Variants in EWSR1 observed in about 807,000 individuals in gnomAD.
EWSR1 encodes EWS RNA binding protein 1.
In EWSR1, 14 loss-of-function variants were observed where a neutral mutation model predicts 92.1. The observed-to-expected ratio is 0.15, with a 90% CI of 0.10 to 0.24. EWSR1 has a LOEUF of 0.24. Ranked by LOEUF, EWSR1 falls within the 10% of genes least tolerant of loss-of-function variation. EWSR1 has a pLI of 1.00. For missense variants in EWSR1, 637 were observed against 870.9 expected, an observed-to-expected ratio of 0.73 and a Z score of 3.38; for synonymous variants, 303 against 292.9, an observed-to-expected ratio of 1.03 and a Z score of -0.35.
intron 6 of EWSR1, among the ~76,000 whole-genome samples, chr22:29,283,826 G>A (rs546449267): frequency 2.1e-5 from 3 of 145,778 alleles, no homozygotes; most frequent in Non-Finnish European, 3.0e-5. Flanking sequence ...GAGCCCCTGC[G>A]CCCAGCCAGT....
In EWSR1 at chr22:29,276,451, A is replaced by G. The variant is rs117993448; in HGVS notation, c.227-1579A>G. ...AGAATTTCCTTTTAATATTTGAGGT[A>G]GAGAAGAAAGAGTATTATTATATTC... On this transcript the variant is annotated intron_variant, in intron 4 of 16. Coordinates refer to ENST00000397938, the MANE Select transcript of EWSR1 (RefSeq NM_005243.4). 60 of 220,960 alleles carry G rather than the reference A, an allele frequency of 2.7e-4. 1 individual carries two copies. In the East Asian group the frequency reaches 4.0e-3, roughly 15 times the overall value. The allele number at this position is 220,960 out of a possible 1,614,324, so 13.7% of individuals were successfully genotyped here. A position where few individuals can be genotyped will look rare whatever the true frequency, so the allele number is the denominator to read the frequency against.
At chr22:29,272,190 T>G (rs781602544) in intron 1 of EWSR1, 26 bp from the exon 2 acceptor site, 1 of 1,610,620 alleles carries the variant, frequency 6.2e-7, no homozygotes, top group Admixed American at 1.7e-5. Context: ...AACTTTACAC[T>G]ATTTTTCCTC....
At chr22:29,298,183 CTG>C (rs1471516529) in intron 13 of EWSR1, among the ~76,000 whole-genome samples, 2 of 152,188 alleles carry the variant, frequency 1.3e-5, no homozygotes, top group Non-Finnish European at 2.9e-5. Context: ...TTGGTTGTGT[CTG>C]TATAGACATG....
chr22:29,291,988 C>T lies in EWSR1; in HGVS notation c.1013-149C>T, dbSNP rs535497565. ...AAACCTTTCACAAATGTTAAAGAGA[C>T]ACTGCTCCATTTTAGCAGTGCGGGT... On this transcript the variant is annotated intron_variant, in intron 9 of 16. Coordinates refer to ENST00000397938, the MANE Select transcript of EWSR1 (RefSeq NM_005243.4). 43 of 732,528 alleles carry T rather than the reference C, an allele frequency of 5.9e-5. No homozygotes were observed. In the South Asian group the frequency reaches 6.6e-4, roughly 11 times the overall value. The allele number at this position is 732,528 out of a possible 1,614,324, so 45.4% of individuals were successfully genotyped here.
At chr22:29,277,921 C>A in intron 4 of EWSR1, 109 bp from the exon 5 acceptor site, 1 of 931,922 alleles carries the variant, frequency 1.1e-6, no homozygotes, top group Non-Finnish European at 1.6e-6. Flanking sequence ...TAAAGGGATT[C>A]AATATCCTGA....
chr22:29,269,756 G>T (rs1602150731), intron 1 of EWSR1: 1 of 152,328 alleles, frequency 6.6e-6, no homozygotes, highest in South Asian at 2.1e-4. Context: ...TAACCTCCCG[G>T]TGGGAAGTGG....
intron 4 of EWSR1, chr22:29,276,090 C>T (rs1385798965): frequency 4.3e-6 from 1 of 231,760 alleles, no homozygotes; most frequent in Non-Finnish European, 8.5e-6. Flanking sequence ...ACTGTTGCTG[C>T]ATAGTTTTAT....
At chr22:29,274,919 TA>T (rs1237983500) in intron 4 of EWSR1, among the ~76,000 whole-genome samples, 1 of 152,216 alleles carries the variant, frequency 6.6e-6, no homozygotes, top group African/African-American at 2.4e-5. Context: ...TAAAAGACTC[TA>T]ATAAAGTCTT....
At chr22:29,280,460 A>G (rs984878069) in intron 5 of EWSR1, among the ~76,000 whole-genome samples, 1 of 152,172 alleles carries the variant, frequency 6.6e-6, no homozygotes, top group Non-Finnish European at 1.5e-5. Context: ...CCAAGAGGTA[A>G]TAGAAACCCC....
chr22:29,292,203 G>A, intron 10 of EWSR1, 34 bp downstream of exon 10: 1 of 1,607,044 alleles, frequency 6.2e-7, no homozygotes, highest in Non-Finnish European at 8.5e-7. Flanking sequence ...TTCATATCGT[G>A]CTTTGTAAAT....
intron 5 of EWSR1, among the ~76,000 whole-genome samples, chr22:29,280,877 T>TG (rs2059535768): frequency 9.5e-6 from 1 of 105,678 alleles, no homozygotes; most frequent in Non-Finnish European, 2.1e-5. Flanking sequence ...TTTTTTTTTT[T>TG]TTTTTTTTTT....
Position 29,298,763 on chromosome 22 carries a change from CCATGGGTCG to C in EWSR1, c.1455_1463del (p.Arg486_Gly488del). 2 of 1,613,622 alleles carry C rather than the reference CCATGGGTCG, an allele frequency of 1.2e-6. No individual in the cohort carries two copies. The highest frequency in any genetic ancestry group is 1.7e-6 in the Non-Finnish European group (2 of 1,179,896). ...GGAGGCCCAGGAGGTCCTGGGGGAC[CCATGGGTCG>C]CATGGGAGGCCGTGGAGGAGATAGA... On this transcript the variant is annotated inframe_deletion, in exon 14 of 17. Coordinates refer to ENST00000397938, the MANE Select transcript of EWSR1 (RefSeq NM_005243.4).
rs748380323 is a variant in EWSR1, at chr22:29,288,641, G to T, written c.829G>T (p.Val277Phe). 1 of 1,613,538 alleles carries T rather than the reference G, an allele frequency of 6.2e-7. No homozygotes were observed. Among genetic ancestry groups the T allele is most frequent in the Non-Finnish European group, 8.5e-7 (1 of 1,179,826 alleles). ...ACAGGACCACCCCAGTAGCATGGGTGTTTATGGGCAGGAGTCTGGAGGATT... is the reference window on the plus strand; with the variant it reads ...ACAGGACCACCCCAGTAGCATGGGTTTTTATGGGCAGGAGTCTGGAGGATT... ...FRQDHPSSMG[V>F]YGQESGGFSG... Residue 277 changes from valine (V) to phenylalanine (F), a missense_variant, in exon 8 of 17, where the codon GTT becomes TTT. By Grantham distance (50) the Val-to-Phe change is conservative. Around this residue, in one of 5 missense-constraint regions of EWSR1, gnomAD observed 116 missense variants for 167.8 expected, o/e 0.69. Coordinates refer to ENST00000397938, the MANE Select transcript of EWSR1 (RefSeq NM_005243.4).
chr22:29,287,827 T>G (rs2060162572), intron 7 of EWSR1, among the ~76,000 whole-genome samples: 1 of 152,176 alleles, frequency 6.6e-6, no homozygotes, highest in African/African-American at 2.4e-5. Context: ...CCACTATGAT[T>G]TTGATAGTCA....
chr22:29,292,762 CTTTT>C (rs34395867), intron 11 of EWSR1, among the ~76,000 whole-genome samples, 156 bp downstream of exon 11: 8 of 100,828 alleles, frequency 7.9e-5, no homozygotes, highest in Admixed American at 1.1e-4. Context: ...AAAGATTAGC[CTTTT>C]TTTTTTTTTT....
chr22:29,290,897 T>A (rs2060392360), intron 8 of EWSR1: 1 of 248,782 alleles, frequency 4.0e-6, no homozygotes, highest in African/African-American at 2.2e-5. Flanking sequence ...TTAAGTAATT[T>A]TACATGGCCA....
At chr22:29,273,478 CCT>C (rs1569048120) in intron 3 of EWSR1, among the ~76,000 whole-genome samples, 3 of 152,050 alleles carry the variant, frequency 2.0e-5, no homozygotes, top group African/African-American at 7.2e-5. Context: ...TTTTTTTCCC[CCT>C]TTTGAGAAGC....
rs2147852913 is a variant in EWSR1, at chr22:29,299,754, G to A, written c.1834G>A (p.Gly612Arg). Residue 612 changes from glycine (G) to arginine (R), a missense_variant, in exon 16 of 17, where the codon GGA becomes AGA. By Grantham distance (125) the Gly-to-Arg change is moderately radical. Around this residue, in one of 5 missense-constraint regions of EWSR1, gnomAD observed 363 missense variants for 447.8 expected, o/e 0.81. Coordinates refer to ENST00000397938, the MANE Select transcript of EWSR1 (RefSeq NM_005243.4). ...GRGMDRGGFG[G>R]GRRGGPGGPP... ...GGGCATGGACCGAGGTGGCTTTGGT[G>A]GAGGAAGACGAGGTGGCCCTGGGGG... The A allele has an allele frequency of 6.2e-7, 1 of 1,608,916 alleles. No homozygotes were observed. Among genetic ancestry groups the A allele is most frequent in the Non-Finnish European group, 8.5e-7 (1 of 1,176,866 alleles).
chr22:29,274,541 A>G (rs2058952427), intron 4 of EWSR1: 2 of 432,860 alleles, frequency 4.6e-6, no homozygotes, highest in South Asian at 4.0e-5. Flanking sequence ...TCCCAAAGGT[A>G]TTTCAGGTGA....
Sources: gnomAD v4.1 joint callset for allele counts (sites outside exome capture counted in the v4.1 genomes callset) on GRCh38, gnomAD v4.1.1 for gene constraint, gnomAD v4.1.1 regional missense constraint, MANE v1.5 for transcripts, NCBI Gene and HGNC (gene_info 2026-07-23, HGNC 2026-07-21) for gene names.